The following CHD9 variants were observed in gnomAD, a reference collection of about 807,000 sequenced individuals.
CHD9 encodes the protein ATP-dependent chromatin remodeler CHD9.
A neutral mutation model predicts 316.1 loss-of-function variants in CHD9; 77 were observed. That is an observed-to-expected ratio of 0.24 (90% CI 0.20 to 0.29). The LOEUF (loss-of-function observed/expected upper bound fraction) is 0.29, where lower values mean the gene tolerates loss of function less well. CHD9 is among the 10% of genes least tolerant of loss of function. The pLI is 1.00. For synonymous variants in CHD9, 1,129 were observed against 1,158.3 expected (o/e 0.97, Z 0.51); for missense variants, 2,763 against 3,438.1 (o/e 0.80, Z 4.91).
chr16:53,135,696 C>G (rs1291931170), intron 1 of CHD9, among the ~76,000 whole-genome samples: 1 of 152,160 alleles, frequency 6.6e-6, no homozygotes, highest in African/African-American at 2.4e-5. Flanking sequence ...CTACCTTTAT[C>G]TGAATGATAA....
chr16:53,161,193 G>C (rs1179114495), intron 2 of CHD9, among the ~76,000 whole-genome samples: 1 of 152,196 alleles, frequency 6.6e-6, no homozygotes, highest in African/African-American at 2.4e-5. Context: ...GTGAAAAAGA[G>C]AGATGGATTG....
intron 2 of CHD9, among the ~76,000 whole-genome samples, chr16:53,197,459 C>T (rs921792395): frequency 6.6e-6 from 1 of 152,132 alleles, no homozygotes; most frequent in Non-Finnish European, 1.5e-5. Context: ...GTTCCCAGTG[C>T]ACCTCAGGGT....
chr16:53,083,740 G>A (rs545810948), intron 1 of CHD9, among the ~76,000 whole-genome samples: 4 of 150,606 alleles, frequency 2.7e-5, no homozygotes, highest in East Asian at 2.0e-4. Context: ...CCCACCCCCC[G>A]ACTTCTTTGT....
Position 53,229,000 on chromosome 16 carries a change from AG to A in CHD9, c.2187del (p.Glu729AspfsTer9). Reference sequence around the variant, plus strand: ...AATTTTAGCTCCTATCTTCACTGTGAGTGGGCCACAGAAGAGCAGCTTTTGA... The same window carrying A: ...AATTTTAGCTCCTATCTTCACTGTGATGGGCCACAGAAGAGCAGCTTTTGA... ...KYKNYSYLHC[E>X]WATEEQLLKD... On this transcript the variant is annotated frameshift_variant, in exon 8 of 39. Transcript: ENST00000447540. LOFTEE classifies it high-confidence loss of function. 6.4e-7 allele frequency: 1 copy of A among 1,567,176 alleles called. No individual in the cohort carries two copies. Among genetic ancestry groups the A allele is most frequent in the Non-Finnish European group, 8.7e-7 (1 of 1,154,774 alleles).
At chr16:53,319,285 G>A (rs2153110698) in intron 37 of CHD9, among the ~76,000 whole-genome samples, 1 of 152,266 alleles carries the variant, frequency 6.6e-6, no homozygotes, top group South Asian at 2.1e-4. Flanking sequence ...CCTTACATAG[G>A]TCTGGTTCTG....
chr16:53,090,864 T>A (rs1297034700), intron 1 of CHD9, among the ~76,000 whole-genome samples: 1 of 151,986 alleles, frequency 6.6e-6, no homozygotes, highest in African/African-American at 2.4e-5. Context: ...AGAGTCTGGC[T>A]CAAAGTTCAA....
chr16:53,243,974 C>T (rs997286525), intron 13 of CHD9, among the ~76,000 whole-genome samples: 1 of 152,144 alleles, frequency 6.6e-6, no homozygotes, highest in Non-Finnish European at 1.5e-5. Context: ...ACACCTCATT[C>T]CAGTATGGTT....
chr16:53,219,693 AT>A (rs781233217), intron 3 of CHD9, among the ~76,000 whole-genome samples: 4 of 152,224 alleles, frequency 2.6e-5, no homozygotes, highest in Admixed American at 2.0e-4. Context: ...GTCCTTAAGC[AT>A]TAGAAGTTTA....
At chr16:53,246,340 C>G (rs1286362820) in intron 15 of CHD9, among the ~76,000 whole-genome samples, 1 of 152,138 alleles carries the variant, frequency 6.6e-6, no homozygotes, top group Non-Finnish European at 1.5e-5. Flanking sequence ...CAACTGAAGT[C>G]TCTTGTAGTT....
At chr16:53,170,578 C>CGTGTGTGTGTGTGT (rs10593955) in intron 2 of CHD9, among the ~76,000 whole-genome samples, 7 of 140,232 alleles carry the variant, frequency 5.0e-5, no homozygotes, top group African/African-American at 1.8e-4. Flanking sequence ...TTTGTAATTT[C>CGTGTGTGTGTGTGT]GTGTGTGTGT....
At chr16:53,247,935 T>TA (rs2049775996) in intron 16 of CHD9, 2 of 153,218 alleles carry the variant, frequency 1.3e-5, no homozygotes, top group Non-Finnish European at 2.9e-5. Context: ...ATATACTATA[T>TA]AAAATTTGTT....
intron 1 of CHD9, among the ~76,000 whole-genome samples, chr16:53,070,486 T>G (rs1174897742): frequency 6.9e-6 from 1 of 144,710 alleles, no homozygotes; most frequent in Non-Finnish European, 1.5e-5. Context: ...CTTTCTTTCT[T>G]TCTTTCCTTC....
intron 16 of CHD9, among the ~76,000 whole-genome samples, chr16:53,248,391 G>T (rs571353066): frequency 1.3e-5 from 2 of 151,192 alleles, no homozygotes; most frequent in African/African-American, 4.9e-5. Flanking sequence ...GCTAATTATC[G>T]TAGGATATTT....
intron 15 of CHD9, among the ~76,000 whole-genome samples, chr16:53,246,299 A>C (rs1185207730): frequency 6.6e-6 from 1 of 152,084 alleles, no homozygotes; most frequent in Non-Finnish European, 1.5e-5. Context: ...ATTCTTGGGA[A>C]TATACGCCTC....
intron 5 of CHD9, 105 bp downstream of exon 5, chr16:53,226,617 C>T (rs577033390): frequency 2.4e-5 from 29 of 1,214,398 alleles, no homozygotes; most frequent in African/African-American, 1.3e-4. Context: ...CTTATCCTTC[C>T]GGATTCCATA....
chr16:53,091,525 G>A (rs141292165), intron 1 of CHD9, among the ~76,000 whole-genome samples: 3 of 152,314 alleles, frequency 2.0e-5, no homozygotes, highest in Non-Finnish European at 4.4e-5. Context: ...GGCGAACGCC[G>A]TCTCCTTTTG....
At chr16:53,061,016 C>T (rs1364901606) in intron 1 of CHD9, among the ~76,000 whole-genome samples, 1 of 151,350 alleles carries the variant, frequency 6.6e-6, no homozygotes, top group Non-Finnish European at 1.5e-5. Context: ...ACCTCCGCCC[C>T]CCCGGGTTCA....
chr16:53,270,680 A>G (rs1406131229), intron 22 of CHD9, among the ~76,000 whole-genome samples: 1 of 152,126 alleles, frequency 6.6e-6, no homozygotes, highest in Non-Finnish European at 1.5e-5. Flanking sequence ...AAAATGGGAG[A>G]GGAAACGGCA....
Position 53,324,633 on chromosome 16 carries a change from G to A in CHD9, c.8432G>A (p.Gly2811Asp). Reference protein sequence around the residue: ...ILYPGMLLTPGLNLHIPTLSQ... With the variant: ...ILYPGMLLTPDLNLHIPTLSQ... ...TATCCAGGGATGCTTCTCACTCCAG[G>A]CCTTAATCTTCATATTCCAACTTTG... The change falls in exon 39 of 39, where the codon GGC becomes GAC. Residue 2811 changes from glycine (G) to aspartate (D), a missense_variant. Transcript: ENST00000447540. 1 of 1,613,698 alleles carries A rather than the reference G, an allele frequency of 6.2e-7. No individual in the cohort carries two copies. Among genetic ancestry groups the A allele is most frequent in the Non-Finnish European group, 8.5e-7 (1 of 1,179,816 alleles).
Sources: gnomAD v4.1 joint callset for allele counts (sites outside exome capture counted in the v4.1 genomes callset) on GRCh38, gnomAD v4.1.1 for gene constraint, MANE v1.5 for transcripts, NCBI Gene and HGNC (gene_info 2026-07-23, HGNC 2026-07-21) for gene names.